The following SEMA4A variants were observed in gnomAD, a reference collection of about 807,000 sequenced individuals.
SEMA4A encodes semaphorin 4A.
A neutral mutation model predicts 72.5 loss-of-function variants in SEMA4A; 52 were observed. That is an observed-to-expected ratio of 0.72 (90% confidence interval 0.57 to 0.90). The LOEUF (loss-of-function observed/expected upper bound fraction) is 0.90. Ranked by LOEUF, SEMA4A falls within the 40% of genes least tolerant of loss-of-function variation. The pLI, the probability that SEMA4A is intolerant of heterozygous loss-of-function variation, is 0.00. For missense variants in SEMA4A, 926 were observed against 959.7 expected (o/e 0.96, Z 0.46); for synonymous variants, 369 against 393.1 (o/e 0.94, Z 0.73).
intron 2 of SEMA4A, 116 bp downstream of exon 2, chr1:156,154,833 A>T (rs1239638087): frequency 8.1e-7 from 1 of 1,227,150 alleles, no homozygotes; most frequent in East Asian, 2.6e-5. Flanking sequence ...AGGGACACAG[A>T]GAGAGATGCC....
At chr1:156,155,027 T>A in intron 2 of SEMA4A, 1 of 431,356 alleles carries the variant, frequency 2.3e-6, no homozygotes, top group Non-Finnish European at 4.2e-6. Flanking sequence ...GTCACCAAGC[T>A]GGGCACCTCA....
chr1:156,171,248 G>A (rs1452476325), intron 10 of SEMA4A, among the ~76,000 whole-genome samples: 1 of 152,192 alleles, frequency 6.6e-6, no homozygotes, highest in Non-Finnish European at 1.5e-5. Flanking sequence ...CTAAGACAGT[G>A]CTCTTGGAGA....
rs568949451 is a variant in SEMA4A at position 156,161,036 on chromosome 1, G to C, written c.810+7G>C. ...GGTGGCTAGAGTCTGCAAGGTCCGCGGCCTGGGCGGGGGGCGGGGCTAACT... is the reference window on the plus strand; with the variant it reads ...GGTGGCTAGAGTCTGCAAGGTCCGCCGCCTGGGCGGGGGGCGGGGCTAACT... On this transcript the variant is annotated splice_region_variant and intron_variant, in intron 8 of 14. Transcript: ENST00000368285. 25 of 1,534,232 alleles carry C rather than the reference G, an allele frequency of 1.6e-5. No individual in the cohort carries two copies. Among genetic ancestry groups the C allele is most frequent in the Non-Finnish European group, 2.2e-5 (25 of 1,115,304 alleles).
At position 156,176,429 on chromosome 1, in the gene SEMA4A, A is replaced by G. The variant is rs755528006; in HGVS notation, c.1718A>G (p.Asn573Ser). 2.5e-6 allele frequency: 4 copies of G among 1,613,826 alleles called. No individual in the cohort carries two copies. The highest frequency in any genetic ancestry group is 2.2e-5 in the East Asian group (1 of 44,862). ...QIIKEVLAVP[N>S]SILELPCPHL... Reference sequence around the variant, plus strand: ...GTTAAAGAAGTCCTGGCTGTCCCCAACTCCATCCTGGAGCTCCCCTGCCCC... The same window carrying G: ...GTTAAAGAAGTCCTGGCTGTCCCCAGCTCCATCCTGGAGCTCCCCTGCCCC... The change falls in exon 15 of 15, where the codon AAC (asparagine) becomes AGC (serine). Residue 573 changes from asparagine (N) to serine (S), a missense_variant. Coordinates refer to ENST00000368285, the MANE Select transcript of SEMA4A (RefSeq NM_022367.4).
chr1:156,174,544 G>T (rs78709594), intron 11 of SEMA4A, among the ~76,000 whole-genome samples: 525 of 152,256 alleles, frequency 3.4e-3, no homozygotes, highest in African/African-American at 0.012. Flanking sequence ...GCACCCAGCC[G>T]CCCACTGTTT....
rs1197986773 is a variant in SEMA4A, at chr1:156,177,359, C to T, written c.*362C>T. 5.4e-6 allele frequency: 2 copies of T among 371,878 alleles called. No individual in the cohort carries two copies. Among genetic ancestry groups the T allele is most frequent in the Non-Finnish European group, 1.0e-5 (2 of 195,510 alleles). The allele number at this position is 371,878 out of a possible 1,614,324, so 23.0% of individuals were successfully genotyped here. On this transcript the variant is annotated 3_prime_UTR_variant, in exon 15 of 15. Coordinates refer to ENST00000368285, the MANE Select transcript of SEMA4A (RefSeq NM_022367.4). ...TAAAAAACCTGCCTGTCCCAGGACC[C>T]TATGGTAATGAACACCAAACATCTA...
upstream of SEMA4A, among the ~76,000 whole-genome samples, chr1:156,148,769 G>A (rs974054492): frequency 2.6e-5 from 4 of 151,724 alleles, no homozygotes; most frequent in Non-Finnish European, 2.9e-5. Context: ...AGCTGACAGA[G>A]AGGCCAGCCT....
chr1:156,151,838 C>CA (rs546304826), upstream of SEMA4A, among the ~76,000 whole-genome samples: 2,586 of 17,402 alleles, frequency 0.15, 541 homozygotes, highest in African/African-American at 0.24. Context: ...CACTTCGTCT[C>CA]AAAAAAAAAA....
At chr1:156,150,833 T>C (rs1652480508), upstream of SEMA4A, among the ~76,000 whole-genome samples, 1 of 152,106 alleles carries the variant, frequency 6.6e-6, no homozygotes, top group Non-Finnish European at 1.5e-5. Flanking sequence ...GGAGCTGGAC[T>C]CTGGCAGGGC....
chr1:156,160,409 C>A (rs1418035288), intron 6 of SEMA4A, 34 bp from the exon 7 acceptor site: 1 of 1,529,500 alleles, frequency 6.5e-7, no homozygotes, highest in East Asian at 2.3e-5. Flanking sequence ...CCCTCCACCC[C>A]ATCAGTTCTC....
chr1:156,165,509 G>A (rs905668877), intron 10 of SEMA4A, among the ~76,000 whole-genome samples: 15 of 152,084 alleles, frequency 9.9e-5, no homozygotes, highest in Non-Finnish European at 1.8e-4. Flanking sequence ...CTAGGTATAC[G>A]TAATTCTAGA....
rs529132968 is a variant in SEMA4A, at chr1:156,160,718, C to T, written c.685+159C>T. On this transcript the variant is annotated intron_variant, in intron 7 of 14. Coordinates refer to ENST00000368285, the MANE Select transcript of SEMA4A (RefSeq NM_022367.4). ...AAAGCTCCGGTTCTCTTGAAGCTTT[C>T]GTCTTATGTAAACACATTAAAGAAG... 3.5e-4 allele frequency among the ~76,000 whole-genome samples: 53 copies of T among 152,280 alleles called. 1 individual carries two copies. Among genetic ancestry groups the T allele is most frequent in the African/African-American group, 1.3e-3 (53 of 41,548 alleles).
In SEMA4A at chr1:156,177,130, T is replaced by TCAG; in HGVS notation, c.*133_*134insCAG. On this transcript the variant is annotated 3_prime_UTR_variant, in exon 15 of 15. Coordinates refer to ENST00000368285, the MANE Select transcript of SEMA4A (RefSeq NM_022367.4). ...CCCCTGAGAGGAGCTTCTGCTACTC[T>TCAG]GCATCACTGATGACACTCAGCAGGG... 1 of 797,108 alleles carries TCAG rather than the reference T, an allele frequency of 1.3e-6. No individual in the cohort carries two copies. The highest frequency in any genetic ancestry group is 2.1e-6 in the Non-Finnish European group (1 of 473,390). 49.4% of individuals were successfully genotyped at this position (797,108 alleles called of 1,614,324 possible).
intron 5 of SEMA4A, 23 bp downstream of exon 5, chr1:156,158,509 C>T: frequency 6.4e-7 from 1 of 1,567,616 alleles, no homozygotes; most frequent in Non-Finnish European, 8.8e-7. Flanking sequence ...GTGCCCAGCG[C>T]TCAGGCCCCC....
chr1:156,165,245 C>T (rs560325981), intron 10 of SEMA4A, among the ~76,000 whole-genome samples: 9 of 152,258 alleles, frequency 5.9e-5, no homozygotes, highest in Admixed American at 2.6e-4. Flanking sequence ...CCGTCTACTC[C>T]CGGAGCACAG....
At position 156,158,070 on chromosome 1, in the gene SEMA4A, A is replaced by G; in HGVS notation, c.301A>G (p.Ile101Val). Residue 101 changes from isoleucine to valine, a missense_variant and splice_region_variant, in exon 4 of 15, where the codon ATA (isoleucine) becomes GTA (valine). Ile to Val is a conservative substitution (Grantham distance 29). Coordinates refer to ENST00000368285, the MANE Select transcript of SEMA4A (RefSeq NM_022367.4). ...DPGVPRLKNM[I>V]PWPASDRKKS... ...CGCCCTCCCAACTCCCCACTTTCAG[A>G]TACCGTGGCCAGCCAGTGACAGAAA... 1 of 1,614,144 alleles carries G rather than the reference A, an allele frequency of 6.2e-7. No individual in the cohort carries two copies. The highest frequency in any genetic ancestry group is 8.5e-7 in the Non-Finnish European group (1 of 1,180,012).
chr1:156,173,030 C>A, intron 11 of SEMA4A, 24 bp downstream of exon 11: 1 of 1,609,614 alleles, frequency 6.2e-7, no homozygotes, highest in Non-Finnish European at 8.5e-7. Context: ...TCCGGGACAT[C>A]CCCCAGAGGA....
chr1:156,150,332 G>A (rs1652433654), upstream of SEMA4A: 1 of 152,818 alleles, frequency 6.5e-6, no homozygotes, highest in Non-Finnish European at 1.5e-5. Context: ...ATGGGAAGAG[G>A]TGGAGGGACA....
In SEMA4A at chr1:156,158,815, G is replaced by C. The variant is rs758339412; in HGVS notation, c.559G>C (p.Val187Leu). ...PFDPAHKHTA[V>L]LVDGMLYSGT... is the part of the protein sequence containing the mutation. ...TGACCCCGCTCACAAGCATACGGCTGTCTTGGTGGGTGAGTATCAGGTTTC... is the reference window on the plus strand; with the variant it reads ...TGACCCCGCTCACAAGCATACGGCTCTCTTGGTGGGTGAGTATCAGGTTTC... The change falls in exon 6 of 15, where the codon GTC becomes CTC. Residue 187 changes from valine to leucine, a missense_variant. By Grantham distance (32) the Val-to-Leu change is conservative (BLOSUM62 1). Coordinates refer to ENST00000368285, the MANE Select transcript of SEMA4A (RefSeq NM_022367.4). 25 of 1,613,208 alleles carry C rather than the reference G, an allele frequency of 1.5e-5. No homozygotes were observed. The highest frequency in any genetic ancestry group is 2.1e-5 in the Non-Finnish European group (25 of 1,179,256).
Sources: gnomAD v4.1 joint callset for allele counts (sites outside exome capture counted in the v4.1 genomes callset) on GRCh38, gnomAD v4.1.1 for gene constraint, MANE v1.5 for transcripts, NCBI Gene and HGNC (gene_info 2026-07-23, HGNC 2026-07-21) for gene names.